Variants in ABCA3 observed in about 807,000 individuals in gnomAD.
ABCA3 encodes the protein ATP binding cassette subfamily A member 3.
Under a neutral mutation model 172.8 loss-of-function variants are expected in ABCA3, and 88 were observed. The observed-to-expected ratio is 0.51, with a 90% CI of 0.43 to 0.61. The LOEUF (loss-of-function observed/expected upper bound fraction) is 0.61, where lower values mean the gene tolerates loss of function less well. Among genes scored for constraint, ABCA3 ranks in the 20% least tolerant of loss-of-function variants. The probability of loss-of-function intolerance (pLI) is 0.00; values close to 1 mark genes in which losing one functional copy is unlikely to be tolerated. For missense variants in ABCA3, 2,164 were observed against 2,301.0 expected, an observed-to-expected ratio of 0.94 and a Z score of 1.22; for synonymous variants, 1,066 against 983.8, an observed-to-expected ratio of 1.08 and a Z score of -1.56.
chr16:2,335,443 C>CT (rs1419160705), intron 1 of ABCA3, among the ~76,000 whole-genome samples: 7 of 151,470 alleles, frequency 4.6e-5, no homozygotes, highest in Non-Finnish European at 8.8e-5. Context: ...CCACACCTGG[C>CT]TTTTTTTTGT....
chr16:2,308,002 G>A (rs1436245066), intron 11 of ABCA3, among the ~76,000 whole-genome samples: 2 of 152,222 alleles, frequency 1.3e-5, no homozygotes, highest in South Asian at 2.1e-4. Flanking sequence ...GCTGAGGCAG[G>A]AGGATTGCTT....
chr16:2,324,341 C>G (rs1475763599), intron 6 of ABCA3, 63 bp downstream of exon 6: 1 of 1,536,166 alleles, frequency 6.5e-7, no homozygotes, highest in African/African-American at 1.4e-5. Flanking sequence ...GAACTAGTGA[C>G]GCGGGAGGAA....
chr16:2,284,582 C>T lies in ABCA3; in HGVS notation c.3704-145G>A. The T allele has an allele frequency of 7.3e-7, 1 of 1,368,008 alleles. No homozygotes were observed. The highest frequency in any genetic ancestry group is 1.9e-5 in the Admixed American group (1 of 53,968). 84.7% of individuals were successfully genotyped at this position (1,368,008 alleles called of 1,614,324 possible). A position where few individuals can be genotyped will look rare whatever the true frequency, so the allele number is the denominator to read the frequency against. ...CCCAGGGACGCCCCTGCCGGCTCTG[C>T]ACAGGGCAAGGACGCCGCAGACGCC... On this transcript the variant is annotated intron_variant, in intron 24 of 32. Transcript: ENST00000301732. The surrounding 1 kb of genome is among the most constrained non-coding windows in gnomAD (Gnocchi z 5.9).
In ABCA3 at chr16:2,288,186, C is replaced by T. The variant is rs1159004841; in HGVS notation, c.2844G>A (p.Ser948=). 8.7e-6 allele frequency: 14 copies of T among 1,604,686 alleles called. No individual in the cohort carries two copies. The highest frequency in any genetic ancestry group is 5.6e-5 in the South Asian group (5 of 89,504). ...TCAGCATGGGGTCGTCGAAGAGCTC[C>T]GAGGAGTAGTTGATGGCCAGGAGGG... ...TLALLAINYS[S]ELFDDPMLRL... Residue 948 remains serine, a synonymous_variant, in exon 21 of 33, where the codon TCG becomes TCA. Transcript: ENST00000301732.
At chr16:2,306,406 T>C (rs536497386) in intron 11 of ABCA3, among the ~76,000 whole-genome samples, 6 of 152,282 alleles carry the variant, frequency 3.9e-5, no homozygotes, top group African/African-American at 1.4e-4. Context: ...AACACAGATA[T>C]GTAAAAGCTA....
Position 2,328,563 on chromosome 16 carries a change from G to T in ABCA3, c.-137C>A. On this transcript the variant is annotated 5_prime_UTR_variant, in exon 3 of 33. Coordinates refer to ENST00000301732, the MANE Select transcript of ABCA3 (RefSeq NM_001089.3). ...TGTAAAGAGGGCGAGGTGTGCAGAC[G>T]TGGCTGCTCTGTCCTGGAGAGGCAG... 1 of 515,994 alleles carries T rather than the reference G, an allele frequency of 1.9e-6. No homozygotes were observed. Among genetic ancestry groups the T allele is most frequent in the Non-Finnish European group, 3.9e-6 (1 of 258,762 alleles). 32.0% of individuals were successfully genotyped at this position (515,994 alleles called of 1,614,324 possible).
In ABCA3 at chr16:2,328,595, C is replaced by A. The variant is rs323049; in HGVS notation, c.-169G>T. ...CTCTGTCCTGGAGAGGCAGGGAAGG[C>A]GATGGAGGAGGGGCAGTCTAGAGAG... On this transcript the variant is annotated 5_prime_UTR_variant, in exon 3 of 33. Transcript: ENST00000301732. The A allele has an allele frequency of 3.9e-6, 2 of 512,104 alleles. No individual in the cohort carries two copies. The highest frequency in any genetic ancestry group is 7.8e-6 in the Non-Finnish European group (2 of 256,866). The allele number at this position is 512,104 out of a possible 1,614,324, so 31.7% of individuals were successfully genotyped here.
chr16:2,281,121 T>C lies in ABCA3; in HGVS notation c.4265A>G (p.Lys1422Arg). ...GGTCAGCATTTTGAAAGTCGTGGTCTTCCCGGCTCCATTGAAGCCCAGCAG... is the reference window on the plus strand; with the variant it reads ...GGTCAGCATTTTGAAAGTCGTGGTCCTCCCGGCTCCATTGAAGCCCAGCAG... ...FGLLGFNGAG[K>R]TTTFKMLTGE... is the part of the protein sequence containing the mutation. Residue 1422 changes from lysine (K) to arginine (R), a missense_variant, in exon 28 of 33, where the codon AAG becomes AGG. Transcript: ENST00000301732. The surrounding 1 kb of genome is among the most constrained non-coding windows in gnomAD (Gnocchi z 4.7). 6.2e-7 allele frequency: 1 copy of C among 1,613,984 alleles called. No homozygotes were observed. The highest frequency in any genetic ancestry group is 8.5e-7 in the Non-Finnish European group (1 of 1,180,038).
chr16:2,333,769 A>G (rs1596872195), intron 1 of ABCA3, among the ~76,000 whole-genome samples: 1 of 151,350 alleles, frequency 6.6e-6, no homozygotes. Flanking sequence ...GCTCACTGCA[A>G]CCTCCGCCTC....
chr16:2,297,936 G>C lies in ABCA3; in HGVS notation c.1897-15C>G, dbSNP rs748886171. On this transcript the variant is annotated splice_polypyrimidine_tract_variant and intron_variant, in intron 15 of 32. Coordinates refer to ENST00000301732, the MANE Select transcript of ABCA3 (RefSeq NM_001089.3). The surrounding 1 kb of genome is among the most constrained non-coding windows in gnomAD (Gnocchi z 5.6). ...AGGCCCTTCAGCTGCAACGACAGGG[G>C]ACGCAGGGAGATGCAGGGCTCCTGG... The C allele has an allele frequency of 1.2e-6, 2 of 1,613,224 alleles. No homozygotes were observed. The highest frequency in any genetic ancestry group is 1.7e-6 in the Non-Finnish European group (2 of 1,180,014).
intron 7 of ABCA3, chr16:2,323,270 A>G (rs957623479): frequency 2.5e-5 from 14 of 568,054 alleles, no homozygotes; most frequent in African/African-American, 2.3e-4. Context: ...ATCTAGAACT[A>G]GAAATACCAT....
chr16:2,304,048 T>C lies in ABCA3; in HGVS notation c.1388A>G (p.Tyr463Cys), dbSNP rs2093693718. ...LGMLLLDSVL[Y>C]GLVTWYMEAV... ...CTCCATGTACCAGGTCACCAGGCCATAGAGCACAGAGTCCAGCAGCAGCAT... is the reference window on the plus strand; with the variant it reads ...CTCCATGTACCAGGTCACCAGGCCACAGAGCACAGAGTCCAGCAGCAGCAT... Residue 463 changes from tyrosine to cysteine, a missense_variant, in exon 12 of 33, where the codon TAT (tyrosine) becomes TGT (cysteine). Physicochemically the swap from Tyr to Cys is radical, Grantham distance 194. Coordinates refer to ENST00000301732, the MANE Select transcript of ABCA3 (RefSeq NM_001089.3). The C allele has an allele frequency of 4.3e-6, 7 of 1,614,148 alleles. No individual in the cohort carries two copies. In the South Asian group the frequency reaches 4.4e-5, roughly 10 times the overall value.
At position 2,287,787 on chromosome 16, in the gene ABCA3, T is replaced by C. The variant is rs2093665327; in HGVS notation, c.3004+239A>G. On this transcript the variant is annotated intron_variant, in intron 21 of 32. Transcript: ENST00000301732. This position sits in a 1 kb window ranked among gnomAD's most constrained non-coding sequence, Gnocchi z 4.1. ...AGTGTCTCTGGCACCTCCAGGGCAC[T>C]TCCCCTGACTCAGTGCCGTGATCTG... is the stretch of plus-strand genomic sequence containing the variant. Among the ~76,000 whole-genome samples, 1 of 152,216 alleles carries C rather than the reference T, an allele frequency of 6.6e-6. No individual in the cohort carries two copies. Among genetic ancestry groups the C allele is most frequent in the African/African-American group, 2.4e-5 (1 of 41,450 alleles).
chr16:2,312,131 G>A (rs2093707593), intron 10 of ABCA3, among the ~76,000 whole-genome samples: 1 of 152,148 alleles, frequency 6.6e-6, no homozygotes, highest in Non-Finnish European at 1.5e-5. Context: ...TTAAGTACTA[G>A]GAAGTCACAG....
chr16:2,287,952 G>A lies in ABCA3; in HGVS notation c.3004+74C>T. 2 of 1,562,076 alleles carry A rather than the reference G, an allele frequency of 1.3e-6. No homozygotes were observed. Among genetic ancestry groups the A allele is most frequent in the South Asian group, 2.2e-5 (2 of 89,250 alleles). ...ATCCTCCCCAGATGTCGACCCTGCT[G>A]CAGTCAGGAAGGCGAACTCTGGCTG... On this transcript the variant is annotated intron_variant, in intron 21 of 32. Transcript: ENST00000301732. The surrounding 1 kb of genome is among the most constrained non-coding windows in gnomAD (Gnocchi z 4.1).
intron 1 of ABCA3, among the ~76,000 whole-genome samples, chr16:2,335,940 AT>A (rs1278947239): frequency 6.6e-6 from 1 of 152,100 alleles, no homozygotes; most frequent in Non-Finnish European, 1.5e-5. Flanking sequence ...GAAGGTACAG[AT>A]TTTCTTTTGT....
rs2141719828 is a variant in ABCA3 at position 2,308,511 on chromosome 16, G to T, written c.1224C>A (p.Cys408Ter). The T allele has an allele frequency of 6.2e-7, 1 of 1,614,240 alleles. No individual in the cohort carries two copies. The highest frequency in any genetic ancestry group is 8.5e-7 in the Non-Finnish European group (1 of 1,180,044). Residue 408 changes from cysteine (C) to a stop codon, truncating the protein, a stop_gained, in exon 11 of 33, where the codon TGC (cysteine) becomes TGA (stop). Transcript: ENST00000301732. LOFTEE classifies it high-confidence loss of function. Reference sequence around the variant, plus strand: ...TTGCCATGGCGACATTAGACAGGAGGCAGGAGCAGAGCTTCTGGCTCAGAG... The same window carrying T: ...TTGCCATGGCGACATTAGACAGGAGTCAGGAGCAGAGCTTCTGGCTCAGAG... The part of the protein sequence containing the change: ...WMTLSQKLCS[C>*]LLSNVAMAMG...
chr16:2,325,228 A>C (rs560654322), intron 5 of ABCA3, among the ~76,000 whole-genome samples: 2 of 152,256 alleles, frequency 1.3e-5, no homozygotes, highest in African/African-American at 4.8e-5. Flanking sequence ...ACACGGTCAA[A>C]CTGTGCCCTG....
chr16:2,288,912 C>A, intron 20 of ABCA3: 1 of 182,374 alleles, frequency 5.5e-6, no homozygotes. Flanking sequence ...CCCCCTGCCA[C>A]AAGGAGACAC....
Sources: gnomAD v4.1 joint callset for allele counts (sites outside exome capture counted in the v4.1 genomes callset) on GRCh38, gnomAD v4.1.1 for gene constraint, Gnocchi (gnomAD v3.1) non-coding constraint, MANE v1.5 for transcripts, NCBI Gene and HGNC (gene_info 2026-07-23, HGNC 2026-07-21) for gene names.